Variants in IQGAP3 observed in about 807,000 individuals in gnomAD.
IQGAP3 encodes the protein IQ motif containing GTPase activating protein 3, also known as ras GTPase-activating-like protein IQGAP3.
In IQGAP3, 165 loss-of-function variants were observed where a neutral mutation model predicts 208.2. The observed-to-expected ratio is 0.79, with a 90% confidence interval of 0.70 to 0.90. The LOEUF (loss-of-function observed/expected upper bound fraction) is 0.90, where lower values mean the gene tolerates loss of function less well. Among genes scored for constraint, IQGAP3 ranks in the 40% least tolerant of loss-of-function variants. The probability of loss-of-function intolerance (pLI) is 0.00; values close to 1 mark genes in which losing one functional copy is unlikely to be tolerated. For missense variants in IQGAP3, 1,811 were observed against 2,043.1 expected, an observed-to-expected ratio of 0.89 and a Z score of 2.19; for synonymous variants, 703 against 803.6, an observed-to-expected ratio of 0.87 and a Z score of 2.12.
chr1:156,545,687 T>C (rs1333474003), intron 19 of IQGAP3, among the ~76,000 whole-genome samples: 4 of 151,986 alleles, frequency 2.6e-5, no homozygotes, highest in Non-Finnish European at 5.9e-5. Context: ...TTTGTAGAGA[T>C]GGGGTCTTAC....
chr1:156,531,506 C>T (rs766516099), intron 32 of IQGAP3, among the ~76,000 whole-genome samples: 12 of 152,080 alleles, frequency 7.9e-5, no homozygotes, highest in Non-Finnish European at 1.6e-4. Flanking sequence ...ATGCATCTGA[C>T]ACCCACCACC....
intron 32 of IQGAP3, among the ~76,000 whole-genome samples, chr1:156,532,750 C>T (rs1674471130): frequency 6.6e-6 from 1 of 152,074 alleles, no homozygotes; most frequent in South Asian, 2.1e-4. Context: ...TTGCCAATAT[C>T]TTCACCATTC....
rs1486782087 is a variant in IQGAP3, at chr1:156,551,836, G to C, written c.1603C>G (p.Leu535Val). Residue 535 changes from leucine (L) to valine (V), a missense_variant, in exon 15 of 38, where the codon CTG becomes GTG. Transcript: ENST00000361170. Reference protein sequence around the residue: ...VLAVSLINEALDKGSPEKTLS... With the variant: ...VLAVSLINEAVDKGSPEKTLS... ...GTCTTCTCAGGGCTGCCTTTGTCCA[G>C]AGCCTCATTGATGAGGCTGACTGCA... is the stretch of plus-strand genomic sequence containing the variant. The C allele has an allele frequency of 1.2e-6, 2 of 1,611,316 alleles. No individual in the cohort carries two copies. The highest frequency in any genetic ancestry group is 2.7e-5 in the African/African-American group (2 of 74,870).
At chr1:156,562,111 C>T in intron 9 of IQGAP3, 110 bp from the exon 10 acceptor site, 1 of 997,568 alleles carries the variant, frequency 1.0e-6, no homozygotes, top group Non-Finnish European at 1.4e-6. Context: ...ATTACCCCCA[C>T]CCTTTCCCCC....
intron 37 of IQGAP3, 116 bp downstream of exon 37, chr1:156,527,828 CTGATTGGG>C: frequency 1.5e-6 from 1 of 660,636 alleles, no homozygotes; most frequent in Non-Finnish European, 2.7e-6. Flanking sequence ...ACAGACGATA[CTGATTGGG>C]TGAAAAACTG....
At chr1:156,531,933 G>A (rs1408466655) in intron 32 of IQGAP3, among the ~76,000 whole-genome samples, 2 of 152,088 alleles carry the variant, frequency 1.3e-5, no homozygotes, top group Admixed American at 1.3e-4. Flanking sequence ...GTGAATGAGT[G>A]GGTGCAAGGG....
Position 156,528,041 on chromosome 1 carries a change from C to A in IQGAP3, c.4693G>T (p.Asp1565Tyr), listed in dbSNP as rs1337844830. Residue 1565 changes from aspartate to tyrosine, a missense_variant, in exon 37 of 38, where the codon GAC (aspartate) becomes TAC (tyrosine). Asp to Tyr is a radical substitution (Grantham distance 160). Coordinates refer to ENST00000361170, the MANE Select transcript of IQGAP3 (RefSeq NM_178229.5). Reference sequence around the variant, plus strand: ...CCTGCCTCATCTCCCGGCGTGATGTCAAAGATGACGTTTCTGAAGCTGTCA... The same window carrying A: ...CCTGCCTCATCTCCCGGCGTGATGTAAAAGATGACGTTTCTGAAGCTGTCA... ...PASHFRNVIF[D>Y]ITPGDEAGKF... 1 of 1,614,046 alleles carries A rather than the reference C, an allele frequency of 6.2e-7. No homozygotes were observed.
rs1676692900 is a variant in IQGAP3, at chr1:156,572,511, C to G, written c.19G>C (p.Gly7Arg). 1.2e-6 allele frequency: 2 copies of G among 1,612,224 alleles called. No homozygotes were observed. Among genetic ancestry groups the G allele is most frequent in the South Asian group, 1.1e-5 (1 of 91,080 alleles). ...CACTCACAGGCTGCCCAGCCTGGGCCCGCTGCTCTCCTCTCCATGTTCCTC... is the reference window on the plus strand; with the variant it reads ...CACTCACAGGCTGCCCAGCCTGGGCGCGCTGCTCTCCTCTCCATGTTCCTC... Reference protein sequence around the residue: MERRAAGPGWAAYERLT... With the variant: MERRAARPGWAAYERLT... Residue 7 changes from glycine (G) to arginine (R), a missense_variant, in exon 1 of 38, where the codon GGC becomes CGC. Coordinates refer to ENST00000361170, the MANE Select transcript of IQGAP3 (RefSeq NM_178229.5).
chr1:156,550,135 G>GC, intron 16 of IQGAP3, 126 bp downstream of exon 16: 1 of 666,208 alleles, frequency 1.5e-6, no homozygotes, highest in Admixed American at 2.3e-5. Flanking sequence ...TCTGACTCTG[G>GC]CCTGCCTCCC....
chr1:156,556,579 G>A lies in IQGAP3; in HGVS notation c.1244C>T (p.Ser415Leu), dbSNP rs1482643470. 11 of 1,613,632 alleles carry A rather than the reference G, an allele frequency of 6.8e-6. No homozygotes were observed. The highest frequency in any genetic ancestry group is 4.4e-5 in the South Asian group (4 of 91,068). The change falls in exon 12 of 38, where the codon TCG (serine) becomes TTG (leucine). Residue 415 changes from serine (S) to leucine (L), a missense_variant. Ser to Leu is a moderately radical substitution (Grantham distance 145). Coordinates refer to ENST00000361170, the MANE Select transcript of IQGAP3 (RefSeq NM_178229.5). ...AQLPPVYPVA[S>L]SMYQLELAVL... ...TGCCAGCTCCAGCTGGTACATAGAC[G>A]ATGCAACAGGGTACACTGGAGGCAG... is the stretch of plus-strand genomic sequence containing the variant.
In IQGAP3 at chr1:156,552,114, G is replaced by A; in HGVS notation, c.1449-19C>T. The A allele has an allele frequency of 6.2e-7, 1 of 1,612,236 alleles. No individual in the cohort carries two copies. Among genetic ancestry groups the A allele is most frequent in the Non-Finnish European group, 8.5e-7 (1 of 1,179,120 alleles). Reference sequence around the variant, plus strand: ...GAAGTAACTGGCAGTGGGGTGAAGGGCAGAGAGGTGAGTAGCATGTGAATC... The same window carrying A: ...GAAGTAACTGGCAGTGGGGTGAAGGACAGAGAGGTGAGTAGCATGTGAATC... On this transcript the variant is annotated intron_variant, in intron 13 of 37. Coordinates refer to ENST00000361170, the MANE Select transcript of IQGAP3 (RefSeq NM_178229.5).
intron 34 of IQGAP3, 85 bp from the exon 35 acceptor site, chr1:156,529,167 A>G (rs1388412006): frequency 7.3e-7 from 1 of 1,375,192 alleles, no homozygotes; most frequent in East Asian, 2.3e-5. Context: ...AGAGCTACAC[A>G]CTGTGAGGCT....
chr1:156,539,813 TCTC>T (rs1466196522), intron 24 of IQGAP3, 22 bp downstream of exon 24: 12 of 1,613,744 alleles, frequency 7.4e-6, no homozygotes, highest in Admixed American at 3.3e-5. Flanking sequence ...GGGAGAGACT[TCTC>T]CTTGGAAAGT....
Position 156,566,383 on chromosome 1 carries a change from C to T in IQGAP3, c.282+7G>A. 1 of 1,613,458 alleles carries T rather than the reference C, an allele frequency of 6.2e-7. No individual in the cohort carries two copies. Among genetic ancestry groups the T allele is most frequent in the East Asian group, 2.2e-5 (1 of 44,888 alleles). ...CGAAGGTAGAAGGTGGGGTCCAATC[C>T]TCCCACCTGGTACCGCAGCTGCTCC... On this transcript the variant is annotated splice_region_variant and intron_variant, in intron 3 of 37. Coordinates refer to ENST00000361170, the MANE Select transcript of IQGAP3 (RefSeq NM_178229.5).
intron 36 of IQGAP3, 93 bp downstream of exon 36, chr1:156,528,416 C>G (rs1571305346): frequency 1.2e-6 from 1 of 862,102 alleles, no homozygotes. Context: ...CGGGACCATG[C>G]TTCTTCTCTT....
In IQGAP3 at chr1:156,531,177, A is replaced by C. The variant is rs760284790; in HGVS notation, c.4174T>G (p.Ser1392Ala). 5 of 1,613,630 alleles carry C rather than the reference A, an allele frequency of 3.1e-6. No individual in the cohort carries two copies. In the South Asian group the frequency reaches 4.4e-5, roughly 14 times the overall value. The change falls in exon 33 of 38, where the codon TCG (serine) becomes GCG (alanine). Residue 1392 changes from serine to alanine, a missense_variant. Physicochemically the swap from Ser to Ala is moderately conservative, Grantham distance 99. Coordinates refer to ENST00000361170, the MANE Select transcript of IQGAP3 (RefSeq NM_178229.5). ...CTACTCACTTGCTCTCTGGAAGCCGAGAGGGACAGGATCTCCTTGAGGGTG... is the reference window on the plus strand; with the variant it reads ...CTACTCACTTGCTCTCTGGAAGCCGCGAGGGACAGGATCTCCTTGAGGGTG... ...GDTLKEILSLSASREQEAAHK... is the reference protein window; with the variant it reads ...GDTLKEILSLAASREQEAAHK...
chr1:156,533,164 C>T (rs1239422954), intron 31 of IQGAP3, 58 bp from the exon 32 acceptor site: 10 of 1,584,996 alleles, frequency 6.3e-6, no homozygotes, highest in Non-Finnish European at 6.9e-6. Flanking sequence ...TGCGCACACA[C>T]ACATACACAC....
rs751089181 is a variant in IQGAP3 at position 156,548,416 on chromosome 1, G to A, written c.2065C>T (p.Gln689Ter). ...CCAGGAGGTTGCTCCCAGATCCCCT[G>A]GAAGGTCTGCAGATGGAAGTAGTAG... The part of the protein sequence containing the change: ...TAYYFHLQTF[Q>*]GIWEQPPGCP... Residue 689 changes from glutamine to a stop codon, truncating the protein, a stop_gained, in exon 18 of 38, where the codon CAG becomes TAG. Coordinates refer to ENST00000361170, the MANE Select transcript of IQGAP3 (RefSeq NM_178229.5). LOFTEE classifies it high-confidence loss of function. The A allele has an allele frequency of 1.9e-6, 3 of 1,613,996 alleles. No individual in the cohort carries two copies. The highest frequency in any genetic ancestry group is 2.5e-6 in the Non-Finnish European group (3 of 1,179,994).
chr1:156,547,388 G>GACACACACACACACACACACAC (rs61344699), intron 19 of IQGAP3, among the ~76,000 whole-genome samples: 15 of 147,308 alleles, frequency 1.0e-4, no homozygotes, highest in South Asian at 2.2e-4. Context: ...CAGACACACA[G>GACACACACACACACACACACAC]ACACACACAC....
Sources: allele counts gnomAD v4.1 joint callset (sites outside exome capture counted in the v4.1 genomes callset), GRCh38; gene constraint gnomAD v4.1.1; transcripts MANE v1.5; gene names NCBI Gene and HGNC (gene_info 2026-07-23, HGNC 2026-07-21).